Variants in SPOCK1 observed in about 807,000 individuals in gnomAD.
SPOCK1 encodes testican-1.
A neutral mutation model predicts 55.3 loss-of-function variants in SPOCK1; 23 were observed. The ratio of observed to expected loss-of-function variants is 0.42; its 90% CI spans 0.30 to 0.59. The LOEUF is 0.59. Among genes scored for constraint, SPOCK1 ranks in the 20% least tolerant of loss-of-function variants. The probability of loss-of-function intolerance (pLI) is 0.22; values close to 1 mark genes in which losing one functional copy is unlikely to be tolerated. For missense variants in SPOCK1, 499 were observed against 552.5 expected (o/e 0.90, Z 0.97); for synonymous variants, 226 against 221.0 (o/e 1.02, Z -0.20).
intron 6 of SPOCK1, among the ~76,000 whole-genome samples, chr5:137,064,923 AT>A (rs1490875006): frequency 6.6e-6 from 1 of 152,184 alleles, no homozygotes; most frequent in Non-Finnish European, 1.5e-5. Flanking sequence ...GAAAACACTG[AT>A]CAAATCCATA....
Position 137,219,809 on chromosome 5 carries a change from C to A in SPOCK1, c.232+47201G>T, listed in dbSNP as rs1014970535. Among the ~76,000 whole-genome samples, 10 of 152,282 alleles carry A rather than the reference C, an allele frequency of 6.6e-5. No individual in the cohort carries two copies. The East Asian group carries it at 1.7e-3, about 26-fold the overall frequency. Reference sequence around the variant, plus strand: ...CCCTAGTCTACTTCACTGAAGATAACCTAGGTGGCTATTTTTCCTGGAGAG... The same window carrying A: ...CCCTAGTCTACTTCACTGAAGATAAACTAGGTGGCTATTTTTCCTGGAGAG... On this transcript the variant is annotated intron_variant, in intron 3 of 10. Coordinates refer to ENST00000394945, the MANE Select transcript of SPOCK1 (RefSeq NM_004598.4).
At chr5:137,363,124 A>G (rs1004928310) in intron 2 of SPOCK1, among the ~76,000 whole-genome samples, 1 of 152,190 alleles carries the variant, frequency 6.6e-6, no homozygotes, top group Admixed American at 6.5e-5. Flanking sequence ...ATGGGAGATC[A>G]AGGATGAATA....
intron 6 of SPOCK1, among the ~76,000 whole-genome samples, chr5:137,066,331 T>G (rs10793823): frequency 0.87 from 131,608 of 152,070 alleles, 57,473 homozygotes; most frequent in South Asian, 0.94. Flanking sequence ...TAGAGATGGG[T>G]TTTCGTCATG....
chr5:137,245,883 T>C (rs1756386413), intron 3 of SPOCK1, among the ~76,000 whole-genome samples: 1 of 152,044 alleles, frequency 6.6e-6, no homozygotes. Context: ...TATTAACATA[T>C]AAAAGGCTTT....
chr5:137,209,309 A>C (rs1418398474), intron 3 of SPOCK1, among the ~76,000 whole-genome samples: 1 of 152,210 alleles, frequency 6.6e-6, no homozygotes, highest in African/African-American at 2.4e-5. Context: ...GAAGCTATTA[A>C]GGCTGCCAAA....
chr5:137,018,790 TA>T (rs1040717107), intron 6 of SPOCK1, among the ~76,000 whole-genome samples: 21 of 152,142 alleles, frequency 1.4e-4, no homozygotes, highest in African/African-American at 5.1e-4. Context: ...TTTAAAATTT[TA>T]AAAAAAGAAA....
intron 3 of SPOCK1, among the ~76,000 whole-genome samples, chr5:137,153,627 G>A (rs1014343330): frequency 2.0e-5 from 3 of 152,142 alleles, no homozygotes; most frequent in Non-Finnish European, 2.9e-5. Context: ...ACTAAAGAGG[G>A]AAGATTGCTT....
intron 2 of SPOCK1, among the ~76,000 whole-genome samples, chr5:137,428,495 A>G (rs1440964543): frequency 6.6e-6 from 1 of 152,160 alleles, no homozygotes; most frequent in Admixed American, 6.6e-5. Flanking sequence ...GCTGGACCTC[A>G]TGGAATCTAA....
At chr5:137,295,297 C>G (rs2127133352) in intron 2 of SPOCK1, among the ~76,000 whole-genome samples, 1 of 152,318 alleles carries the variant, frequency 6.6e-6, no homozygotes, top group Middle Eastern at 3.4e-3. Context: ...TAATGCTACT[C>G]AGTGGTCACT....
intron 3 of SPOCK1, among the ~76,000 whole-genome samples, chr5:137,198,830 A>G (rs1428732304): frequency 6.6e-6 from 1 of 152,210 alleles, no homozygotes; most frequent in Non-Finnish European, 1.5e-5. Context: ...GTCTTCTATT[A>G]CGTGTTCTAA....
intron 2 of SPOCK1, chr5:137,273,400 T>C: frequency 1.0e-6 from 1 of 983,454 alleles, no homozygotes; most frequent in Non-Finnish European, 1.2e-6. Context: ...TACGAAAGCA[T>C]TATAAATGAG....
At chr5:137,236,044 G>A (rs1756174294) in intron 3 of SPOCK1, among the ~76,000 whole-genome samples, 1 of 152,254 alleles carries the variant, frequency 6.6e-6, no homozygotes, top group Non-Finnish European at 1.5e-5. Context: ...GGGCGGTGGG[G>A]CTTCTGTAGG....
chr5:137,037,741 G>A (rs752590919), intron 6 of SPOCK1, among the ~76,000 whole-genome samples: 18 of 152,110 alleles, frequency 1.2e-4, no homozygotes, highest in African/African-American at 1.9e-4. Context: ...ATAAATACGC[G>A]TTGGGAATAA....
chr5:137,192,752 A>T lies in SPOCK1; in HGVS notation c.233-52058T>A, dbSNP rs543067289. Among the ~76,000 whole-genome samples the T allele has an allele frequency of 6.6e-5, 10 of 152,388 alleles. No individual in the cohort carries two copies. The South Asian group carries it at 1.9e-3, about 28-fold the overall frequency. On this transcript the variant is annotated intron_variant, in intron 3 of 10. Coordinates refer to ENST00000394945, the MANE Select transcript of SPOCK1 (RefSeq NM_004598.4). ...CAGCAGCTAAAGTGAATGAGCTAGA[A>T]CTGCATGAACCAACAACACGGAAAA...
chr5:137,395,585 C>T (rs1392101120), intron 2 of SPOCK1, among the ~76,000 whole-genome samples: 1 of 152,218 alleles, frequency 6.6e-6, no homozygotes, highest in Non-Finnish European at 1.5e-5. Context: ...TAATAACTAA[C>T]ATAATCACCC....
At chr5:137,005,933 TCAATACTAAGATCTA>T (rs1369287614) in intron 6 of SPOCK1, among the ~76,000 whole-genome samples, 1 of 152,128 alleles carries the variant, frequency 6.6e-6, no homozygotes, top group Non-Finnish European at 1.5e-5. Context: ...CCGAGAACGG[TCAATACTAAGATCTA>T]CCTAAATAAA....
intron 6 of SPOCK1, among the ~76,000 whole-genome samples, chr5:137,022,620 T>C (rs1751598077): frequency 6.6e-6 from 1 of 152,198 alleles, no homozygotes; most frequent in Non-Finnish European, 1.5e-5. Flanking sequence ...ACTAAGTAGC[T>C]GCGTGCCTGG....
chr5:136,998,537 CT>C (rs1751090349), intron 6 of SPOCK1, among the ~76,000 whole-genome samples: 1 of 152,166 alleles, frequency 6.6e-6, no homozygotes, highest in African/African-American at 2.4e-5. Flanking sequence ...ATATATTGGT[CT>C]TGTGGGCAGC....
chr5:137,086,452 C>G (rs771694753), intron 5 of SPOCK1, among the ~76,000 whole-genome samples: 1 of 152,180 alleles, frequency 6.6e-6, no homozygotes, highest in Non-Finnish European at 1.5e-5. Context: ...AAAAGAAAGT[C>G]TCAAACATGA....
Sources: allele counts gnomAD v4.1 joint callset (sites outside exome capture counted in the v4.1 genomes callset), GRCh38; gene constraint gnomAD v4.1.1; transcripts MANE v1.5; gene names NCBI Gene and HGNC (gene_info 2026-07-23, HGNC 2026-07-21).